C1GALT1: variants seen among roughly 807,000 people sequenced by gnomAD.
C1GALT1 encodes the protein core 1 synthase, glycoprotein-N-acetylgalactosamine 3-beta-galactosyltransferase 1, also known as glycoprotein-N-acetylgalactosamine 3-beta-galactosyltransferase 1.
Under a neutral mutation model 31.0 loss-of-function variants are expected in C1GALT1, and 11 were observed. The ratio of observed to expected loss-of-function variants is 0.36; its 90% CI spans 0.22 to 0.59. The LOEUF is 0.59. C1GALT1 is among the 20% of genes least tolerant of loss of function. C1GALT1 has a pLI of 0.79. For synonymous variants in C1GALT1, 175 were observed against 143.6 expected, an observed-to-expected ratio of 1.22 and a Z score of -1.56; for missense variants, 424 against 425.2, an observed-to-expected ratio of 1.00 and a Z score of 0.03.
rs1415453524 is a variant in C1GALT1 at position 7,246,430 on chromosome 7, A to T, written c.*2703A>T. The T allele has an allele frequency of 6.6e-6, 1 of 152,192 alleles. No homozygotes were observed. Among genetic ancestry groups the T allele is most frequent in the Non-Finnish European group, 1.5e-5 (1 of 68,026 alleles). The allele number at this position is 152,192 out of a possible 1,614,324, so 9.4% of individuals were successfully genotyped here. ...CAGCCAAATTGTCACAGTGATTCTTAAACTGTGGTTCTCACACTTGCCCAG... is the reference window on the plus strand; with the variant it reads ...CAGCCAAATTGTCACAGTGATTCTTTAACTGTGGTTCTCACACTTGCCCAG... On this transcript the variant is annotated 3_prime_UTR_variant, in exon 4 of 4. Coordinates refer to ENST00000436587, the MANE Select transcript of C1GALT1 (RefSeq NM_020156.5).
chr7:7,228,356 T>C (rs995922713), intron 1 of C1GALT1, among the ~76,000 whole-genome samples: 3 of 152,198 alleles, frequency 2.0e-5, no homozygotes, highest in African/African-American at 7.2e-5. Context: ...CTTGGAAATC[T>C]GTACTTTTAA....
At chr7:7,181,686 C>T (rs1780591422), upstream of C1GALT1, among the ~76,000 whole-genome samples, 1 of 152,116 alleles carries the variant, frequency 6.6e-6, no homozygotes, top group African/African-American at 2.4e-5. Flanking sequence ...GATTTCAGAG[C>T]CCATACTCTT....
chr7:7,235,090 A>C (rs1783274917), intron 2 of C1GALT1: 1 of 152,252 alleles, frequency 6.6e-6, no homozygotes, highest in Non-Finnish European at 1.5e-5. Context: ...TGTGTCCCTT[A>C]AGTGTTGGTT....
chr7:7,193,735 G>A (rs1483789664), intron 1 of C1GALT1, among the ~76,000 whole-genome samples: 1 of 151,956 alleles, frequency 6.6e-6, no homozygotes, highest in Non-Finnish European at 1.5e-5. Context: ...ATTTTGATAG[G>A]AATTACATTG....
chr7:7,160,651 G>C (rs1449574828), intron 2 of C1GALT1, among the ~76,000 whole-genome samples: 1 of 152,106 alleles, frequency 6.6e-6, no homozygotes, highest in Non-Finnish European at 1.5e-5. Context: ...CAGAAGTAAG[G>C]TTGGTTCCAA....
intron 1 of C1GALT1, among the ~76,000 whole-genome samples, chr7:7,201,607 A>G (rs1236399492): frequency 6.6e-6 from 1 of 152,142 alleles, no homozygotes; most frequent in African/African-American, 2.4e-5. Context: ...AAGCGGGGGA[A>G]AGCCGGCAGT....
intron 1 of C1GALT1, among the ~76,000 whole-genome samples, chr7:7,215,957 C>A (rs1363657963): frequency 6.6e-6 from 1 of 152,016 alleles, no homozygotes; most frequent in African/African-American, 2.4e-5. Context: ...AAGGGGGACC[C>A]CTAGATGATT....
chr7:7,203,520 A>G lies in C1GALT1; in HGVS notation c.-18+20700A>G, dbSNP rs149296764. Among the ~76,000 whole-genome samples the G allele has an allele frequency of 8.0e-3, 1,224 of 152,156 alleles. 18 individuals are homozygous for G. The highest frequency in any genetic ancestry group is 0.027 in the African/African-American group (1,138 of 41,500). On this transcript the variant is annotated intron_variant, in intron 1 of 3. Transcript: ENST00000436587. ...GCCTTGATTGATTTCCATATGTACA[A>G]CTATCCTTGCATTCCAGGATAAATC...
intron 1 of C1GALT1, among the ~76,000 whole-genome samples, chr7:7,217,377 T>TG (rs1322295006): frequency 1.3e-5 from 2 of 151,972 alleles, no homozygotes; most frequent in African/African-American, 4.8e-5. Flanking sequence ...ACCTTTTTTT[T>TG]TTAAGAGACA....
At chr7:7,242,650 CT>C (rs1783684471) in intron 3 of C1GALT1, among the ~76,000 whole-genome samples, 1 of 152,050 alleles carries the variant, frequency 6.6e-6, no homozygotes. Context: ...TCTAGGTTGA[CT>C]GCTTAATTCA....
chr7:7,202,480 T>C (rs916683256), intron 1 of C1GALT1, among the ~76,000 whole-genome samples: 1 of 152,242 alleles, frequency 6.6e-6, no homozygotes, highest in Non-Finnish European at 1.5e-5. Flanking sequence ...GTTAAAAACC[T>C]GTCCTTTTCC....
chr7:7,172,936 C>A (rs1428276367), intron 2 of C1GALT1, among the ~76,000 whole-genome samples: 1 of 152,202 alleles, frequency 6.6e-6, no homozygotes, highest in East Asian at 1.9e-4. Flanking sequence ...GTTTCCCTGC[C>A]ATAAAAGTCT....
chr7:7,171,685 T>C (rs183296293), intron 2 of C1GALT1, among the ~76,000 whole-genome samples: 104 of 152,296 alleles, frequency 6.8e-4, no homozygotes, highest in African/African-American at 2.4e-3. Context: ...CCTTCTTTTA[T>C]GTTTAGTTGA....
intron 1 of C1GALT1, among the ~76,000 whole-genome samples, chr7:7,217,968 G>A (rs1782324227): frequency 6.6e-6 from 1 of 152,204 alleles, no homozygotes; most frequent in African/African-American, 2.4e-5. Flanking sequence ...TTAGATACTG[G>A]TGAGAGAAAG....
chr7:7,161,796 A>T (rs537533555), intron 2 of C1GALT1, among the ~76,000 whole-genome samples: 2 of 152,310 alleles, frequency 1.3e-5, no homozygotes, highest in South Asian at 4.1e-4. Context: ...AATACTTTCC[A>T]TATTTTCTAT....
intron 2 of C1GALT1, among the ~76,000 whole-genome samples, chr7:7,173,586 C>T (rs1780476092): frequency 6.6e-6 from 1 of 152,086 alleles, no homozygotes; most frequent in Admixed American, 6.6e-5. Flanking sequence ...TTGTATTAGT[C>T]TGTTTGGGCT....
intron 1 of C1GALT1, among the ~76,000 whole-genome samples, chr7:7,229,999 A>G (rs1211052615): frequency 6.6e-6 from 1 of 152,162 alleles, no homozygotes; most frequent in Non-Finnish European, 1.5e-5. Context: ...TTTACATCTC[A>G]AGATACTGGG....
intron 1 of C1GALT1, among the ~76,000 whole-genome samples, chr7:7,224,922 T>C (rs1782684925): frequency 6.6e-6 from 1 of 152,168 alleles, no homozygotes; most frequent in Non-Finnish European, 1.5e-5. Context: ...TTAAGCATAG[T>C]GTATTTAACC....
chr7:7,203,426 T>C (rs1047262385), intron 1 of C1GALT1, among the ~76,000 whole-genome samples: 3 of 152,200 alleles, frequency 2.0e-5, no homozygotes, highest in African/African-American at 7.2e-5. Context: ...TCAGATACTT[T>C]TTCTGCATCA....
Sources: gnomAD v4.1 joint callset for allele counts (sites outside exome capture counted in the v4.1 genomes callset) on GRCh38, gnomAD v4.1.1 for gene constraint, MANE v1.5 for transcripts, NCBI Gene and HGNC (gene_info 2026-07-23, HGNC 2026-07-21) for gene names.